Variants in STK39 observed in about 807,000 individuals in gnomAD.
The protein encoded by STK39 is STE20/SPS1-related proline-alanine-rich protein kinase.
Under a neutral mutation model 77.8 loss-of-function variants are expected in STK39, and 20 were observed. The observed-to-expected ratio is 0.26, with a 90% CI of 0.18 to 0.37. STK39 has a LOEUF of 0.37. Among genes scored for constraint, STK39 ranks in the 10% least tolerant of loss-of-function variants. The pLI is 1.00. For synonymous variants in STK39, 246 were observed against 234.1 expected, an observed-to-expected ratio of 1.05 and a Z score of -0.47; for missense variants, 479 against 656.5, an observed-to-expected ratio of 0.73 and a Z score of 2.95.
intron 10 of STK39, among the ~76,000 whole-genome samples, chr2:168,127,935 G>T (rs1687587715): frequency 6.6e-6 from 1 of 152,242 alleles, no homozygotes; most frequent in South Asian, 2.1e-4. Context: ...GGGAAGGAGG[G>T]CTCACATATA....
chr2:168,245,310 A>G (rs1433888662), intron 1 of STK39, among the ~76,000 whole-genome samples: 1 of 152,152 alleles, frequency 6.6e-6, no homozygotes. Flanking sequence ...GTACTTACTC[A>G]TCACATCCTA....
At chr2:168,153,354 C>T (rs1200419611) in intron 5 of STK39, among the ~76,000 whole-genome samples, 1 of 152,144 alleles carries the variant, frequency 6.6e-6, no homozygotes. Flanking sequence ...GAGGTAAATA[C>T]AGATAAAAGC....
At chr2:168,195,324 G>A (rs1370720187) in intron 1 of STK39, among the ~76,000 whole-genome samples, 2 of 152,134 alleles carry the variant, frequency 1.3e-5, no homozygotes, top group African/African-American at 2.4e-5. Context: ...CGCTTGAGCA[G>A]AGGAAGTTGA....
At chr2:168,041,757 C>T (rs1469672536) in intron 14 of STK39, among the ~76,000 whole-genome samples, 6 of 152,166 alleles carry the variant, frequency 3.9e-5, no homozygotes, top group African/African-American at 1.2e-4. Flanking sequence ...CAGAGTTGAT[C>T]AGTGGAAAGA....
intron 10 of STK39, among the ~76,000 whole-genome samples, chr2:168,128,424 C>T (rs768942245): frequency 8.5e-5 from 13 of 152,178 alleles, no homozygotes; most frequent in Non-Finnish European, 1.5e-4. Flanking sequence ...AGATATTCCA[C>T]TCTGATGGAC....
chr2:168,194,000 G>C (rs761130787), intron 1 of STK39, among the ~76,000 whole-genome samples: 3 of 152,194 alleles, frequency 2.0e-5, no homozygotes, highest in African/African-American at 7.2e-5. Context: ...CAGATGCCTC[G>C]GCGTCAGGGA....
intron 2 of STK39, among the ~76,000 whole-genome samples, chr2:168,171,537 G>A (rs1360534735): frequency 6.6e-6 from 1 of 150,802 alleles, no homozygotes; most frequent in Non-Finnish European, 1.5e-5. Context: ...CCAGGCTGGA[G>A]TGCAATGGCG....
intron 1 of STK39, 117 bp downstream of exon 1, chr2:168,247,111 G>C: frequency 1.4e-5 from 4 of 293,602 alleles, no homozygotes; most frequent in Non-Finnish European, 1.9e-5. Context: ...AGTAGGCCCC[G>C]AAGCCGGCCT....
At chr2:168,085,087 C>G (rs1009363174) in intron 10 of STK39, among the ~76,000 whole-genome samples, 1 of 152,166 alleles carries the variant, frequency 6.6e-6, no homozygotes, top group Non-Finnish European at 1.5e-5. Flanking sequence ...AAACCCACTA[C>G]CTTTTTTGAT....
At chr2:168,129,516 G>A in intron 10 of STK39, 25 bp downstream of exon 10, 1 of 1,613,488 alleles carries the variant, frequency 6.2e-7, no homozygotes, top group Non-Finnish European at 8.5e-7. Flanking sequence ...GTTCCTACAG[G>A]GTCATGAAGG....
intron 14 of STK39, among the ~76,000 whole-genome samples, 198 bp from the exon 15 acceptor site, chr2:168,017,293 T>C (rs578186730): frequency 6.6e-6 from 1 of 152,270 alleles, no homozygotes; most frequent in South Asian, 2.1e-4. Flanking sequence ...TGATTGAATT[T>C]ACCTTATATA....
At chr2:168,207,598 G>C (rs1038575958) in intron 1 of STK39, among the ~76,000 whole-genome samples, 1 of 152,110 alleles carries the variant, frequency 6.6e-6, no homozygotes, top group African/African-American at 2.4e-5. Flanking sequence ...GAGTTCCATG[G>C]AGTAAATCAT....
At chr2:168,205,675 C>T (rs1050368946) in intron 1 of STK39, among the ~76,000 whole-genome samples, 1 of 151,744 alleles carries the variant, frequency 6.6e-6, no homozygotes, top group Non-Finnish European at 1.5e-5. Context: ...TAAAATTAGC[C>T]GGGTGTGGTG....
intron 16 of STK39, among the ~76,000 whole-genome samples, chr2:168,005,476 T>C (rs748714208): frequency 6.6e-6 from 1 of 152,162 alleles, no homozygotes; most frequent in Middle Eastern, 3.2e-3. Context: ...TACAGCAATA[T>C]TTACATTATC....
intron 1 of STK39, among the ~76,000 whole-genome samples, chr2:168,226,717 C>A (rs1690317087): frequency 6.8e-6 from 1 of 146,470 alleles, no homozygotes; most frequent in Non-Finnish European, 1.5e-5. Flanking sequence ...CTCACTATAA[C>A]TCCCTCTTAC....
chr2:168,051,283 G>A (rs1685388046), intron 14 of STK39, among the ~76,000 whole-genome samples: 1 of 152,172 alleles, frequency 6.6e-6, no homozygotes, highest in African/African-American at 2.4e-5. Flanking sequence ...GGATGAGGGA[G>A]ACAGGCTCTG....
intron 1 of STK39, among the ~76,000 whole-genome samples, chr2:168,236,162 T>C (rs1327823974): frequency 1.3e-5 from 2 of 152,148 alleles, no homozygotes; most frequent in East Asian, 1.9e-4. Flanking sequence ...TGGTGTGAGA[T>C]GGTATCTCAT....
chr2:168,086,561 T>G (rs1686372280), intron 10 of STK39, among the ~76,000 whole-genome samples: 1 of 152,280 alleles, frequency 6.6e-6, no homozygotes, highest in African/African-American at 2.4e-5. Flanking sequence ...AATGAGGATA[T>G]GAAAAAGTTC....
chr2:168,168,128 C>T (rs1688734800), intron 2 of STK39, among the ~76,000 whole-genome samples: 2 of 152,216 alleles, frequency 1.3e-5, no homozygotes, highest in African/African-American at 2.4e-5. Context: ...TCCATATTAA[C>T]AGAGCAGGAA....
Sources: allele counts gnomAD v4.1 joint callset (sites outside exome capture counted in the v4.1 genomes callset), GRCh38; gene constraint gnomAD v4.1.1; transcripts MANE v1.5; gene names NCBI Gene and HGNC (gene_info 2026-07-23, HGNC 2026-07-21).